The following TTC7B variants were observed in gnomAD, a reference collection of about 807,000 sequenced individuals.
TTC7B encodes tetratricopeptide repeat protein 7B.
In TTC7B, 28 loss-of-function variants were observed where a neutral mutation model predicts 106.8. The ratio of observed to expected loss-of-function variants is 0.26; its 90% CI spans 0.19 to 0.36. The LOEUF (loss-of-function observed/expected upper bound fraction) is 0.36. Ranked by LOEUF, TTC7B falls within the 10% of genes least tolerant of loss-of-function variation. The pLI is 1.00. For synonymous variants in TTC7B, 405 were observed against 430.6 expected (o/e 0.94, Z 0.74); for missense variants, 862 against 1,076.4 (o/e 0.80, Z 2.79).
intron 15 of TTC7B, among the ~76,000 whole-genome samples, chr14:90,636,422 T>G (rs1884944541): frequency 1.1e-5 from 1 of 94,590 alleles, no homozygotes; most frequent in African/African-American, 3.7e-5. Flanking sequence ...GCTATAACGA[T>G]GTGGTAAAAA....
At chr14:90,721,001 C>T (rs1035762454) in intron 5 of TTC7B, among the ~76,000 whole-genome samples, 9 of 151,998 alleles carry the variant, frequency 5.9e-5, no homozygotes, top group African/African-American at 2.2e-4. Flanking sequence ...AAAACCACTA[C>T]CCAAGACAAA....
chr14:90,744,214 T>C (rs1889873712), intron 4 of TTC7B, among the ~76,000 whole-genome samples: 1 of 152,212 alleles, frequency 6.6e-6, no homozygotes, highest in Non-Finnish European at 1.5e-5. Context: ...GCTGGCCAGC[T>C]TCAGGGTGCT....
chr14:90,612,724 A>C (rs910855682), intron 16 of TTC7B, among the ~76,000 whole-genome samples: 7 of 152,232 alleles, frequency 4.6e-5, no homozygotes, highest in Admixed American at 1.3e-4. Context: ...AAGGTCACAT[A>C]GATGGAGCAC....
intron 2 of TTC7B, among the ~76,000 whole-genome samples, chr14:90,785,794 T>C (rs943799895): frequency 2.0e-5 from 3 of 152,176 alleles, no homozygotes; most frequent in East Asian, 1.9e-4. Flanking sequence ...GCTTCTTACA[T>C]TGATGAGCAG....
intron 17 of TTC7B, among the ~76,000 whole-genome samples, chr14:90,609,025 C>T (rs1016163880): frequency 6.6e-6 from 1 of 152,186 alleles, no homozygotes; most frequent in African/African-American, 2.4e-5. Flanking sequence ...TCCTTCTCTT[C>T]CCCATGTCCG....
rs987970338 is a variant in TTC7B, at chr14:90,578,586, A to G, written c.2108-278T>C. ...TGCCTGGTCCCTGCCCCAACCTCTG[A>G]GGGCACCCACCCTCAGGGCCCACCC... On this transcript the variant is annotated intron_variant, in intron 18 of 19. Transcript: ENST00000328459. The surrounding 1 kb of genome is among the most constrained non-coding windows in gnomAD (Gnocchi z 4.7). 3.3e-5 allele frequency among the ~76,000 whole-genome samples: 5 copies of G among 151,878 alleles called. No individual in the cohort carries two copies. Among genetic ancestry groups the G allele is most frequent in the African/African-American group, 1.2e-4 (5 of 41,326 alleles).
chr14:90,747,202 C>T (rs1889994905), intron 3 of TTC7B, among the ~76,000 whole-genome samples: 1 of 152,142 alleles, frequency 6.6e-6, no homozygotes, highest in Non-Finnish European at 1.5e-5. Context: ...CCCTAGGCAC[C>T]AAGGTAGCTC....
At chr14:90,756,439 G>A (rs1890305136) in intron 3 of TTC7B, among the ~76,000 whole-genome samples, 1 of 149,822 alleles carries the variant, frequency 6.7e-6, no homozygotes, top group Admixed American at 6.7e-5. Flanking sequence ...TGTCACCTAG[G>A]CTGGAGTGCA....
At chr14:90,747,050 C>A (rs150742889) in intron 3 of TTC7B, among the ~76,000 whole-genome samples, 4 of 152,272 alleles carry the variant, frequency 2.6e-5, no homozygotes, top group Admixed American at 2.0e-4. Flanking sequence ...TTGAGCCATA[C>A]CAGATAGTTT....
chr14:90,731,242 C>T (rs550411640), intron 4 of TTC7B, among the ~76,000 whole-genome samples: 5 of 152,278 alleles, frequency 3.3e-5, no homozygotes, highest in South Asian at 2.1e-4. Context: ...TGAGCCCCTG[C>T]GCCCGGCCTG....
chr14:90,590,594 CAG>C (rs1238544179), intron 18 of TTC7B, among the ~76,000 whole-genome samples: 1 of 152,194 alleles, frequency 6.6e-6, no homozygotes, highest in African/African-American at 2.4e-5. Flanking sequence ...ACACAGGAAA[CAG>C]AGGTTACCTG....
At chr14:90,770,960 C>G (rs1462444005) in intron 3 of TTC7B, among the ~76,000 whole-genome samples, 2 of 152,100 alleles carry the variant, frequency 1.3e-5, no homozygotes, top group Non-Finnish European at 2.9e-5. Context: ...AGGCAAATAC[C>G]ACATGACTCC....
intron 13 of TTC7B, among the ~76,000 whole-genome samples, chr14:90,649,439 C>T (rs991542454): frequency 3.9e-5 from 6 of 152,102 alleles, no homozygotes; most frequent in Admixed American, 6.5e-5. Flanking sequence ...GGCAACTCGC[C>T]GGACAGAAAT....
At chr14:90,699,966 G>A (rs1595296184) in intron 5 of TTC7B, among the ~76,000 whole-genome samples, 3 of 152,184 alleles carry the variant, frequency 2.0e-5, no homozygotes, top group African/African-American at 7.2e-5. Context: ...TGGCATACAG[G>A]AAGCACCCAA....
At chr14:90,752,442 G>A (rs1043395033) in intron 3 of TTC7B, among the ~76,000 whole-genome samples, 1 of 152,232 alleles carries the variant, frequency 6.6e-6, no homozygotes, top group Non-Finnish European at 1.5e-5. Flanking sequence ...TAGATTCTCT[G>A]GAAGTTTGGC....
intron 18 of TTC7B, among the ~76,000 whole-genome samples, chr14:90,582,904 A>G (rs1891557838): frequency 6.6e-6 from 1 of 152,184 alleles, no homozygotes; most frequent in Non-Finnish European, 1.5e-5. Flanking sequence ...ATGGAGTTGG[A>G]GATAAAAAGG....
chr14:90,530,403 G>A lies in TTC7B; in HGVS notation c.*10965C>T, dbSNP rs1197586697. ...CTGAAATTGTCCCCAAGGTGACTATGGTAAGTGAAATGATGGTCCCAAAAG... is the reference window on the plus strand; with the variant it reads ...CTGAAATTGTCCCCAAGGTGACTATAGTAAGTGAAATGATGGTCCCAAAAG... On this transcript the variant is annotated 3_prime_UTR_variant, in exon 20 of 20. Coordinates refer to ENST00000328459, the MANE Select transcript of TTC7B (RefSeq NM_001010854.2). 1 of 152,188 alleles carries A rather than the reference G, an allele frequency of 6.6e-6. No individual in the cohort carries two copies. The highest frequency in any genetic ancestry group is 1.5e-5 in the Non-Finnish European group (1 of 68,026). The allele number at this position is 152,188 out of a possible 1,614,324, so 9.4% of individuals were successfully genotyped here. A position where few individuals can be genotyped will look rare whatever the true frequency, so the allele number is the denominator to read the frequency against.
chr14:90,796,234 G>A (rs912123352), intron 1 of TTC7B, among the ~76,000 whole-genome samples: 3 of 152,300 alleles, frequency 2.0e-5, no homozygotes, highest in Admixed American at 2.0e-4. Flanking sequence ...CAGGGGTAAA[G>A]AGGGACTCAA....
At chr14:90,787,827 T>G (rs1788358565) in intron 1 of TTC7B, among the ~76,000 whole-genome samples, 2 of 152,022 alleles carry the variant, frequency 1.3e-5, no homozygotes, top group Non-Finnish European at 2.9e-5. Context: ...CAGGGCTGAG[T>G]TCAGGTACTG....
Sources: gnomAD v4.1 joint callset for allele counts (sites outside exome capture counted in the v4.1 genomes callset) on GRCh38, gnomAD v4.1.1 for gene constraint, Gnocchi (gnomAD v3.1) non-coding constraint, MANE v1.5 for transcripts, NCBI Gene and HGNC (gene_info 2026-07-23, HGNC 2026-07-21) for gene names.